The following EPB41 variants were observed in gnomAD, a reference collection of about 807,000 sequenced individuals.
EPB41 encodes the protein erythrocyte membrane protein band 4.1, also known as protein 4.1.
EPB41 carries 65 observed loss-of-function variants against 108.0 expected under a neutral mutation model. That is an observed-to-expected ratio of 0.60 (90% CI 0.49 to 0.74). EPB41 has a LOEUF of 0.74. EPB41 is among the 30% of genes least tolerant of loss of function. EPB41 has a pLI of 0.00. For synonymous variants in EPB41, 336 were observed against 358.9 expected (o/e 0.94, Z 0.72); for missense variants, 875 against 1,037.0 (o/e 0.84, Z 2.15).
rs868104075 is a variant in EPB41 at position 28,888,575 on chromosome 1, G to A, written c.-8+1365G>A. Among the ~76,000 whole-genome samples, 10 of 152,338 alleles carry A rather than the reference G, an allele frequency of 6.6e-5. 1 individual carries two copies. In the Middle Eastern group the frequency reaches 0.014, roughly 207 times the overall value. Reference sequence around the variant, plus strand: ...CTCCGGGGTGTCAGACAGACACTTCGGAAATCACTGTAAATAAGGCGTTAA... The same window carrying A: ...CTCCGGGGTGTCAGACAGACACTTCAGAAATCACTGTAAATAAGGCGTTAA... On this transcript the variant is annotated intron_variant, in intron 1 of 16. Transcript: ENST00000347529.
chr1:29,076,560 A>G (rs1315772574), intron 16 of EPB41, among the ~76,000 whole-genome samples: 2 of 152,236 alleles, frequency 1.3e-5, no homozygotes, highest in Non-Finnish European at 2.9e-5. Flanking sequence ...TAACCTTTAC[A>G]TACTGGAGTT....
At chr1:28,889,848 C>G in intron 1 of EPB41, 1 of 985,296 alleles carries the variant, frequency 1.0e-6, no homozygotes, top group Non-Finnish European at 1.2e-6. Flanking sequence ...ATATACAGGT[C>G]TGCCAGCCAC....
Position 29,120,024 on chromosome 1 carries a change from A to AAAC in EPB41, c.*3221_*3223dup, listed in dbSNP as rs563617780. On this transcript the variant is annotated 3_prime_UTR_variant, in exon 21 of 21. Coordinates refer to ENST00000343067, the MANE Select transcript of EPB41 (RefSeq NM_001376013.1). Reference sequence around the variant, plus strand: ...CTTCTTGTATTGCATTTTTTTCAATAAACAACAACAAAAAGAACTCTCTCT... The same window carrying AAAC: ...CTTCTTGTATTGCATTTTTTTCAATAAACAACAACAACAAAAAGAACTCTCTCT... 1.3e-5 allele frequency: 2 copies of AAAC among 152,614 alleles called. No homozygotes were observed. Among genetic ancestry groups the AAAC allele is most frequent in the Non-Finnish European group, 2.9e-5 (2 of 68,032 alleles). 9.5% of individuals were successfully genotyped at this position (152,614 alleles called of 1,614,324 possible).
At chr1:28,922,567 G>A (rs2093169965) in intron 1 of EPB41, among the ~76,000 whole-genome samples, 1 of 151,578 alleles carries the variant, frequency 6.6e-6, no homozygotes, top group African/African-American at 2.4e-5. Flanking sequence ...TGAGTAGCTG[G>A]GACTACAGGT....
At position 29,018,198 on chromosome 1, in the gene EPB41, A is replaced by G; in HGVS notation, c.906-26A>G. On this transcript the variant is annotated intron_variant, in intron 6 of 20. Coordinates refer to ENST00000343067, the MANE Select transcript of EPB41 (RefSeq NM_001376013.1). The surrounding 1 kb of genome is among the most constrained non-coding windows in gnomAD (Gnocchi z 4.4). ...ATATTTTGTTGTTGTTGTTGCTGACATAACATTTTTCTCTTTTGGCTGTAG... is the reference window on the plus strand; with the variant it reads ...ATATTTTGTTGTTGTTGTTGCTGACGTAACATTTTTCTCTTTTGGCTGTAG... The G allele has an allele frequency of 6.2e-7, 1 of 1,604,470 alleles. No homozygotes were observed. Among genetic ancestry groups the G allele is most frequent in the South Asian group, 1.1e-5 (1 of 90,846 alleles).
intron 1 of EPB41, among the ~76,000 whole-genome samples, chr1:28,895,345 G>C (rs940865241): frequency 1.3e-5 from 2 of 151,962 alleles, no homozygotes; most frequent in African/African-American, 4.8e-5. Flanking sequence ...ATTCCTCCTA[G>C]TGACCTAGGA....
intron 14 of EPB41, 107 bp from the exon 15 acceptor site, chr1:29,060,315 C>T: frequency 1.1e-6 from 1 of 905,916 alleles, no homozygotes; most frequent in Non-Finnish European, 1.8e-6. Flanking sequence ...GCGCTGTGGA[C>T]ATTTATTTTT....
chr1:29,087,112 T>C (rs1253497910), intron 16 of EPB41, among the ~76,000 whole-genome samples: 1 of 151,750 alleles, frequency 6.6e-6, no homozygotes, highest in Non-Finnish European at 1.5e-5. Context: ...CGGCTAATTT[T>C]TTGGAGTTTT....
chr1:29,027,499 T>C (rs1315945494), intron 7 of EPB41, among the ~76,000 whole-genome samples: 1 of 151,646 alleles, frequency 6.6e-6, no homozygotes, highest in Non-Finnish European at 1.5e-5. Flanking sequence ...GCCCGGCTAA[T>C]TTTGTACTTT....
chr1:28,992,914 T>TA (rs2096063390), intron 2 of EPB41, among the ~76,000 whole-genome samples: 1 of 152,210 alleles, frequency 6.6e-6, no homozygotes, highest in Non-Finnish European at 1.5e-5. Context: ...AAAATTAATT[T>TA]AAAATTTAGA....
chr1:29,012,587 A>G (rs2985332), intron 5 of EPB41, among the ~76,000 whole-genome samples: 31,447 of 152,114 alleles, frequency 0.21, 3,974 homozygotes, highest in East Asian at 0.47. Context: ...TCCAGGCCCA[A>G]TGGCTAATTA....
chr1:29,002,275 C>A (rs1002285685), intron 4 of EPB41, among the ~76,000 whole-genome samples: 1 of 151,842 alleles, frequency 6.6e-6, no homozygotes, highest in East Asian at 1.9e-4. Context: ...ACTAGTGAAA[C>A]CCTGTCTCTA....
chr1:29,000,983 G>T (rs562033565), intron 4 of EPB41, among the ~76,000 whole-genome samples: 10 of 152,256 alleles, frequency 6.6e-5, no homozygotes, highest in Admixed American at 1.3e-4. Context: ...TCTTAGGATT[G>T]TCAAGTTAAA....
chr1:28,924,491 T>C (rs157209), intron 1 of EPB41, among the ~76,000 whole-genome samples: 17,127 of 151,960 alleles, frequency 0.11, 1,233 homozygotes, highest in African/African-American at 0.21. Context: ...ATCGTGCCAC[T>C]GCACTCCAGC....
At position 29,118,057 on chromosome 1, in the gene EPB41, GA is replaced by G. The variant is rs1275478538; in HGVS notation, c.*1246del. On this transcript the variant is annotated 3_prime_UTR_variant, in exon 21 of 21. Coordinates refer to ENST00000343067, the MANE Select transcript of EPB41 (RefSeq NM_001376013.1). ...GCTTAGTTTTCCTTTTTTTCATTTT[GA>G]TTTTTGAAAGTGAAGATGATGCCCT... 6 of 152,130 alleles carry G rather than the reference GA, an allele frequency of 3.9e-5. No homozygotes were observed. Among genetic ancestry groups the G allele is most frequent in the African/African-American group, 1.4e-4 (6 of 41,432 alleles). 9.4% of individuals were successfully genotyped at this position (152,130 alleles called of 1,614,324 possible). A position where few individuals can be genotyped will look rare whatever the true frequency, so the allele number is the denominator to read the frequency against.
intron 15 of EPB41, among the ~76,000 whole-genome samples, chr1:29,062,121 C>T (rs1646670630): frequency 6.6e-6 from 1 of 152,192 alleles, no homozygotes; most frequent in South Asian, 2.1e-4. Flanking sequence ...TCAGATATTT[C>T]AAACTTGGCA....
intron 1 of EPB41, among the ~76,000 whole-genome samples, chr1:28,961,287 C>CCTAT (rs1421773909): frequency 6.6e-6 from 1 of 152,044 alleles, no homozygotes; most frequent in Non-Finnish European, 1.5e-5. Context: ...CTTTTTAATT[C>CCTAT]CTATGGCATT....
At chr1:28,896,754 G>A (rs2090709425) in intron 1 of EPB41, among the ~76,000 whole-genome samples, 1 of 152,230 alleles carries the variant, frequency 6.6e-6, no homozygotes, top group South Asian at 2.1e-4. Context: ...GGCAGGGACA[G>A]GGGCAGGAGG....
At chr1:28,921,413 C>G (rs1457143321) in intron 1 of EPB41, among the ~76,000 whole-genome samples, 1 of 151,906 alleles carries the variant, frequency 6.6e-6, no homozygotes, top group Non-Finnish European at 1.5e-5. Context: ...AAATTCATCC[C>G]ATTCCCCCTT....
Sources: allele counts gnomAD v4.1 joint callset (sites outside exome capture counted in the v4.1 genomes callset), GRCh38; gene constraint gnomAD v4.1.1; non-coding constraint Gnocchi (gnomAD v3.1); transcripts MANE v1.5; gene names NCBI Gene and HGNC (gene_info 2026-07-23, HGNC 2026-07-21).